CAMTA1: variants seen among roughly 807,000 people sequenced by gnomAD.
CAMTA1 encodes calmodulin binding transcription activator 1, also known as calmodulin-binding transcription activator 1.
In CAMTA1, 27 loss-of-function variants were observed where a neutral mutation model predicts 170.9. The ratio of observed to expected loss-of-function variants is 0.16; its 90% confidence interval spans 0.12 to 0.22. CAMTA1 has a LOEUF of 0.22. Ranked by LOEUF, CAMTA1 falls within the 10% of genes least tolerant of loss-of-function variation. The pLI, the probability that CAMTA1 is intolerant of heterozygous loss-of-function variation, is 1.00. For synonymous variants in CAMTA1, 833 were observed against 891.5 expected (o/e 0.93, Z 1.17); for missense variants, 1,619 against 2,217.2 (o/e 0.73, Z 5.42).
In CAMTA1 at chr1:7,732,584, A is replaced by T; in HGVS notation, c.3051A>T (p.Gly1017=). 1 of 1,608,456 alleles carries T rather than the reference A, an allele frequency of 6.2e-7. No individual in the cohort carries two copies. Among genetic ancestry groups the T allele is most frequent in the South Asian group, 1.1e-5 (1 of 90,370 alleles). ...SSGGGSGSGN[G]GSQAQCASGT... ...GAGGCGGCAGCGGGAGCGGGAATGG[A>T]GGGAGCCAGGCACAGGTACGAGGCG... Residue 1017 remains glycine (G), a synonymous_variant, in exon 12 of 23, where the codon GGA becomes GGT. Coordinates refer to ENST00000303635, the MANE Select transcript of CAMTA1 (RefSeq NM_015215.4). This position sits in a 1 kb window ranked among gnomAD's most constrained non-coding sequence, Gnocchi z 4.1.
chr1:7,639,267 C>A (rs1180525810), intron 6 of CAMTA1, among the ~76,000 whole-genome samples: 2 of 152,260 alleles, frequency 1.3e-5, no homozygotes, highest in African/African-American at 4.8e-5. Context: ...GCATAAGCCA[C>A]CACGCCCGGC....
intron 11 of CAMTA1, among the ~76,000 whole-genome samples, chr1:7,679,815 G>A (rs2096168704): frequency 6.6e-6 from 1 of 152,256 alleles, no homozygotes; most frequent in African/African-American, 2.4e-5. Context: ...GGACCAGCCT[G>A]GGGTCCACCT....
In CAMTA1 at chr1:7,210,189, T is replaced by C. The variant is rs181383316; in HGVS notation, c.303-39302T>C. ...CAATAATAAAAACAATAGTCTGTTG[T>C]AGGATCCAATTCAGAATCTCACGTT... On this transcript the variant is annotated intron_variant, in intron 4 of 22. Transcript: ENST00000303635. 2.2e-3 allele frequency among the ~76,000 whole-genome samples: 333 copies of C among 152,376 alleles called. 1 individual carries two copies. Among genetic ancestry groups the C allele is most frequent in the African/African-American group, 7.5e-3 (313 of 41,592 alleles).
intron 4 of CAMTA1, among the ~76,000 whole-genome samples, chr1:7,138,229 C>A (rs181536968): frequency 1.3e-5 from 2 of 152,248 alleles, no homozygotes; most frequent in Middle Eastern, 3.4e-3. Flanking sequence ...TGAGCTCAAG[C>A]AATCCTCCCG....
At chr1:7,075,208 A>G (rs10864271) in intron 3 of CAMTA1, among the ~76,000 whole-genome samples, 64,214 of 151,962 alleles carry the variant, frequency 0.42, 14,892 homozygotes, top group South Asian at 0.58. Context: ...TCAGTGTCCA[A>G]GGGTAGAAAG....
chr1:7,616,751 C>G lies in CAMTA1; in HGVS notation c.511-23649C>G, dbSNP rs530147720. On this transcript the variant is annotated intron_variant, in intron 6 of 22. Transcript: ENST00000303635. ...ACAGGGAGGAGAGACGGGGCCCCCC[C>G]ACCAGAGTGACAACTGCAGTGGAAA... 5.9e-5 allele frequency among the ~76,000 whole-genome samples: 9 copies of G among 152,206 alleles called. No homozygotes were observed. In the South Asian group the frequency reaches 1.9e-3, roughly 32 times the overall value.
intron 5 of CAMTA1, among the ~76,000 whole-genome samples, chr1:7,372,704 C>T (rs1452094722): frequency 2.0e-5 from 3 of 152,192 alleles, no homozygotes; most frequent in Non-Finnish European, 4.4e-5. Context: ...AATTTGATAC[C>T]CACAGCAGCC....
chr1:7,453,124 C>T (rs533438949), intron 5 of CAMTA1, among the ~76,000 whole-genome samples: 5 of 152,200 alleles, frequency 3.3e-5, no homozygotes, highest in Admixed American at 1.3e-4. Context: ...TTGGAGAGTC[C>T]GAGCTCCCAG....
chr1:7,140,578 T>C (rs1234630175), intron 4 of CAMTA1, among the ~76,000 whole-genome samples: 1 of 152,164 alleles, frequency 6.6e-6, no homozygotes, highest in Admixed American at 6.5e-5. Context: ...TGTTTTGTTA[T>C]GTAAGCAGTA....
chr1:6,979,020 A>G (rs1011542655), intron 3 of CAMTA1, among the ~76,000 whole-genome samples: 1 of 152,194 alleles, frequency 6.6e-6, no homozygotes. Flanking sequence ...CTGAGTGGGC[A>G]TCTGAACAAA....
At chr1:6,954,431 G>A (rs1337102029) in intron 3 of CAMTA1, among the ~76,000 whole-genome samples, 1 of 152,144 alleles carries the variant, frequency 6.6e-6, no homozygotes, top group Non-Finnish European at 1.5e-5. Context: ...TATCCCCTTT[G>A]TCCCACGAGT....
Position 7,003,114 on chromosome 1 carries a change from C to T in CAMTA1, c.235-88190C>T, listed in dbSNP as rs143902321. The stretch of plus-strand genomic sequence containing the variant: ...TGTTTAGCTGCATGCCTGGCCTGTG[C>T]GCACCAGATGCCAGGAGCACCCCTT... On this transcript the variant is annotated intron_variant, in intron 3 of 22. Transcript: ENST00000303635. Among the ~76,000 whole-genome samples the T allele has an allele frequency of 7.2e-5, 11 of 152,330 alleles. No individual in the cohort carries two copies. In the East Asian group the frequency reaches 9.7e-4, roughly 13 times the overall value.
rs2096186302 is a variant in CAMTA1 at position 7,680,756 on chromosome 1, ACTGT to A, written c.2914+3027_2914+3030del. 1.3e-5 allele frequency among the ~76,000 whole-genome samples: 2 copies of A among 149,904 alleles called. No homozygotes were observed. The highest frequency in any genetic ancestry group is 2.1e-4 in the South Asian group (1 of 4,738). ...GAAAATGTTTGAGGGCGGGGAAGAG[ACTGT>A]CTGCCCTCATTTGATCTAAAACATG... On this transcript the variant is annotated intron_variant, in intron 11 of 22. Transcript: ENST00000303635. This position sits in a 1 kb window ranked among gnomAD's most constrained non-coding sequence, Gnocchi z 4.4.
Position 7,664,562 on chromosome 1 carries a change from T to G in CAMTA1, c.2015T>G (p.Leu672Arg). Residue 672 changes from leucine (L) to arginine (R), a missense_variant, in exon 9 of 23, where the codon CTC (leucine) becomes CGC (arginine). By Grantham distance (102) the Leu-to-Arg change is moderately radical. Transcript: ENST00000303635. Reference sequence around the variant, plus strand: ...ACGCGGATCGAGTCCACTTCCTCCCTCCACCTCATGCAGTTCCAGGCCAAC... The same window carrying G: ...ACGCGGATCGAGTCCACTTCCTCCCGCCACCTCATGCAGTTCCAGGCCAAC... ...VETRIESTSS[L>R]HLMQFQANFQ... The G allele has an allele frequency of 6.2e-7, 1 of 1,613,064 alleles. No individual in the cohort carries two copies. Among genetic ancestry groups the G allele is most frequent in the Non-Finnish European group, 8.5e-7 (1 of 1,180,004 alleles).
At chr1:7,346,258 A>G (rs1179055142) in intron 5 of CAMTA1, among the ~76,000 whole-genome samples, 1 of 152,124 alleles carries the variant, frequency 6.6e-6, no homozygotes, top group East Asian at 1.9e-4. Context: ...TTGCTGTGTG[A>G]CCTTGGACAG....
intron 3 of CAMTA1, among the ~76,000 whole-genome samples, chr1:6,915,982 G>A (rs918066395): frequency 1.3e-5 from 2 of 152,156 alleles, no homozygotes; most frequent in African/African-American, 2.4e-5. Context: ...GCTTTCTGGT[G>A]GGTCCCTGGC....
intron 3 of CAMTA1, among the ~76,000 whole-genome samples, chr1:6,959,111 A>T (rs904582682): frequency 6.6e-6 from 1 of 152,244 alleles, no homozygotes. Flanking sequence ...TTCAAAAATA[A>T]CATCAGCAAT....
intron 6 of CAMTA1, among the ~76,000 whole-genome samples, chr1:7,523,883 GAA>G (rs1012662759): frequency 8.0e-6 from 1 of 125,006 alleles, no homozygotes. Context: ...ACTCTATCTC[GAA>G]AAAAAAAATA....
intron 5 of CAMTA1, among the ~76,000 whole-genome samples, chr1:7,265,020 G>A (rs372539709): frequency 1.3e-5 from 2 of 152,334 alleles, no homozygotes; most frequent in African/African-American, 4.8e-5. Flanking sequence ...CTGCAGGGGT[G>A]GGGAGGGAGC....
Sources: allele counts gnomAD v4.1 joint callset (sites outside exome capture counted in the v4.1 genomes callset), GRCh38; gene constraint gnomAD v4.1.1; non-coding constraint Gnocchi (gnomAD v3.1); transcripts MANE v1.5; gene names NCBI Gene and HGNC (gene_info 2026-07-23, HGNC 2026-07-21).